Variants in PSMA5 observed in about 807,000 individuals in gnomAD.
PSMA5 encodes the protein proteasome 20S subunit alpha 5.
A neutral mutation model predicts 34.5 loss-of-function variants in PSMA5; 3 were observed. The ratio of observed to expected loss-of-function variants is 0.09; its 90% CI spans 0.04 to 0.22. The LOEUF is 0.22. Ranked by LOEUF, PSMA5 falls within the 10% of genes least tolerant of loss-of-function variation. PSMA5 has a pLI of 1.00. For synonymous variants in PSMA5, 88 were observed against 95.8 expected (o/e 0.92, Z 0.47); for missense variants, 120 against 286.1 (o/e 0.42, Z 4.19).
chr1:109,413,276 T>C (rs769513144), intron 3 of PSMA5, 141 bp from the exon 4 acceptor site: 68 of 717,518 alleles, frequency 9.5e-5, no homozygotes, highest in Non-Finnish European at 1.5e-4. Flanking sequence ...AAAGATTAGA[T>C]AGGAAATGAT....
intron 8 of PSMA5, among the ~76,000 whole-genome samples, chr1:109,409,658 A>G (rs1288726606): frequency 2.0e-5 from 3 of 152,242 alleles, no homozygotes; most frequent in African/African-American, 4.8e-5. Flanking sequence ...TCTCACCTAT[A>G]GTCCCAGGTA....
At chr1:109,404,777 G>A (rs1313529062) in intron 8 of PSMA5, among the ~76,000 whole-genome samples, 1 of 152,202 alleles carries the variant, frequency 6.6e-6, no homozygotes, top group Non-Finnish European at 1.5e-5. Context: ...CTAAGCACCT[G>A]TGTATTAGTT....
At position 109,401,048 on chromosome 1, in the gene PSMA5, T is replaced by C. The variant is rs1404754164; in HGVS notation, c.*965A>G. 6.6e-6 allele frequency: 1 copy of C among 152,246 alleles called. No individual in the cohort carries two copies. Among genetic ancestry groups the C allele is most frequent in the East Asian group, 1.9e-4 (1 of 5,192 alleles). 9.4% of individuals were successfully genotyped at this position (152,246 alleles called of 1,614,324 possible). A position where few individuals can be genotyped will look rare whatever the true frequency, so the allele number is the denominator to read the frequency against. On this transcript the variant is annotated 3_prime_UTR_variant, in exon 9 of 9. Transcript: ENST00000271308. Reference sequence around the variant, plus strand: ...TTCTTCATCTGTTAAGTAGTGATACTGATACCATCTTCCCGTGGTAATTTT... The same window carrying C: ...TTCTTCATCTGTTAAGTAGTGATACCGATACCATCTTCCCGTGGTAATTTT...
chr1:109,403,913 T>C (rs1653645051), intron 8 of PSMA5, among the ~76,000 whole-genome samples: 1 of 152,198 alleles, frequency 6.6e-6, no homozygotes, highest in South Asian at 2.1e-4. Context: ...TATCTCTAAT[T>C]ACATGAAATG....
intron 4 of PSMA5, 39 bp from the exon 5 acceptor site, chr1:109,412,223 G>A (rs1277696844): frequency 4.6e-6 from 7 of 1,521,918 alleles, no homozygotes; most frequent in African/African-American, 1.4e-5. Flanking sequence ...CTTCTAATAA[G>A]GACATTAAAG....
At chr1:109,416,006 G>A (rs1654178812) in intron 2 of PSMA5, among the ~76,000 whole-genome samples, 1 of 152,044 alleles carries the variant, frequency 6.6e-6, no homozygotes, top group Non-Finnish European at 1.5e-5. Context: ...CTATCTCTAC[G>A]TAACTCCCAG....
intron 3 of PSMA5, among the ~76,000 whole-genome samples, 166 bp downstream of exon 3, chr1:109,415,071 C>T (rs1654137266): frequency 6.6e-6 from 1 of 152,208 alleles, no homozygotes; most frequent in Non-Finnish European, 1.5e-5. Context: ...TAAATGAGTC[C>T]TGCAACAGCC....
At chr1:109,420,280 T>A (rs2100972579) in intron 2 of PSMA5, among the ~76,000 whole-genome samples, 1 of 152,242 alleles carries the variant, frequency 6.6e-6, no homozygotes, top group Non-Finnish European at 1.5e-5. Context: ...TATCCCCACC[T>A]CAGAAGACAA....
intron 8 of PSMA5, among the ~76,000 whole-genome samples, chr1:109,406,933 A>G (rs1653785170): frequency 6.6e-6 from 1 of 152,220 alleles, no homozygotes; most frequent in Admixed American, 6.5e-5. Context: ...ACTCGACAGA[A>G]GGAGGTACAT....
At chr1:109,415,403 A>G (rs1236557871) in intron 2 of PSMA5, 40 bp from the exon 3 acceptor site, 13 of 1,588,070 alleles carry the variant, frequency 8.2e-6, no homozygotes, top group Middle Eastern at 1.8e-4. Flanking sequence ...TATAGGTCAA[A>G]TAACTGTCTT....
In PSMA5 at chr1:109,401,837, G is replaced by T; in HGVS notation, c.*176C>A. On this transcript the variant is annotated 3_prime_UTR_variant, in exon 9 of 9. Coordinates refer to ENST00000271308, the MANE Select transcript of PSMA5 (RefSeq NM_002790.4). ...AAAAAAAGACTATTAGAAGAGAACA[G>T]TCTATTAACAAATATTTTAAAATTT... 4.5e-6 allele frequency: 2 copies of T among 443,942 alleles called. No homozygotes were observed. The highest frequency in any genetic ancestry group is 4.0e-6 in the Non-Finnish European group (1 of 252,712). The allele number at this position is 443,942 out of a possible 1,614,324, so 27.5% of individuals were successfully genotyped here. A position where few individuals can be genotyped will look rare whatever the true frequency, so the allele number is the denominator to read the frequency against.
At chr1:109,408,180 C>T (rs1653856679) in intron 8 of PSMA5, among the ~76,000 whole-genome samples, 1 of 152,114 alleles carries the variant, frequency 6.6e-6, no homozygotes, top group Non-Finnish European at 1.5e-5. Context: ...AAGGACATTC[C>T]CAAGCTGGTC....
intron 1 of PSMA5, among the ~76,000 whole-genome samples, chr1:109,422,944 T>C (rs1048089830): frequency 4.6e-5 from 7 of 152,242 alleles, no homozygotes; most frequent in Non-Finnish European, 1.0e-4. Context: ...CTCTAAACAC[T>C]TCCCCTTAAC....
intron 2 of PSMA5, among the ~76,000 whole-genome samples, chr1:109,421,275 C>T (rs952167008): frequency 4.6e-5 from 7 of 151,908 alleles, no homozygotes; most frequent in East Asian, 1.9e-4. Context: ...TGGTGGCTCA[C>T]GCCTGTAATC....
intron 1 of PSMA5, chr1:109,425,257 T>C (rs978895650): frequency 2.0e-5 from 3 of 152,216 alleles, no homozygotes; most frequent in Admixed American, 2.0e-4. Context: ...TCAATACATA[T>C]GTTAAGTAAA....
intron 1 of PSMA5, 78 bp downstream of exon 1, chr1:109,426,224 G>A: frequency 6.3e-7 from 1 of 1,578,096 alleles, no homozygotes; most frequent in Non-Finnish European, 8.7e-7. Context: ...CCATGACACG[G>A]CAGAACCCAG....
intron 2 of PSMA5, among the ~76,000 whole-genome samples, chr1:109,421,439 G>A (rs1654439979): frequency 6.7e-6 from 1 of 150,060 alleles, no homozygotes; most frequent in African/African-American, 2.5e-5. Context: ...CTCCAGCCTG[G>A]GCAACTGAGA....
At chr1:109,410,833 G>A (rs1003335896) in intron 7 of PSMA5, among the ~76,000 whole-genome samples, 178 bp downstream of exon 7, 1 of 152,180 alleles carries the variant, frequency 6.6e-6, no homozygotes, top group African/African-American at 2.4e-5. Flanking sequence ...TGGTTGCAAG[G>A]GAGGGAAAGA....
rs1308558643 is a variant in PSMA5 at position 109,401,613 on chromosome 1, G to C, written c.*400C>G. ...TAGAACAGACATCTTCATAGAATAG[G>C]GATATTAATAACACTGTCCTTTTGG... On this transcript the variant is annotated 3_prime_UTR_variant, in exon 9 of 9. Coordinates refer to ENST00000271308, the MANE Select transcript of PSMA5 (RefSeq NM_002790.4). 1 of 154,320 alleles carries C rather than the reference G, an allele frequency of 6.5e-6. No individual in the cohort carries two copies. The highest frequency in any genetic ancestry group is 1.4e-5 in the Non-Finnish European group (1 of 69,778). The allele number at this position is 154,320 out of a possible 1,614,324, so 9.6% of individuals were successfully genotyped here. A position where few individuals can be genotyped will look rare whatever the true frequency, so the allele number is the denominator to read the frequency against.
Sources: gnomAD v4.1 joint callset for allele counts (sites outside exome capture counted in the v4.1 genomes callset) on GRCh38, gnomAD v4.1.1 for gene constraint, MANE v1.5 for transcripts, NCBI Gene and HGNC (gene_info 2026-07-23, HGNC 2026-07-21) for gene names.